PDZK1: variants seen among roughly 807,000 people sequenced by gnomAD.
PDZK1 encodes the protein PDZ domain containing 1, also known as Na(+)/H(+) exchange regulatory cofactor NHE-RF3.
A neutral mutation model predicts 38.1 loss-of-function variants in PDZK1; 23 were observed. The ratio of observed to expected loss-of-function variants is 0.60; its 90% CI spans 0.43 to 0.85. The LOEUF is 0.85. PDZK1 is among the 40% of genes least tolerant of loss of function. The pLI is 0.00. For synonymous variants in PDZK1, 98 were observed against 186.2 expected (o/e 0.53, Z 3.86); for missense variants, 297 against 504.3 (o/e 0.59, Z 3.94).
At chr1:145,687,672 G>T in intron 2 of PDZK1, 140 bp downstream of exon 2, 2 of 697,952 alleles carry the variant, frequency 2.9e-6, no homozygotes, top group Non-Finnish European at 5.1e-6. Flanking sequence ...CCAACACAAG[G>T]TACAGCAATA....
At chr1:145,699,851 T>A (rs1553704741) in intron 1 of PDZK1, among the ~76,000 whole-genome samples, 1 of 152,144 alleles carries the variant, frequency 6.6e-6, no homozygotes, top group East Asian at 1.9e-4. Context: ...TGTAAGAACA[T>A]GGGTGAGTTC....
intron 8 of PDZK1, among the ~76,000 whole-genome samples, chr1:145,671,809 CT>C (rs1310168269): frequency 6.7e-6 from 1 of 149,438 alleles, no homozygotes; most frequent in South Asian, 2.1e-4. Flanking sequence ...GTGTATATTT[CT>C]TTTTTATAAG....
Position 145,687,998 on chromosome 1 carries a change from T to G in PDZK1, c.24A>C (p.Arg8=), listed in dbSNP as rs1559071334. The stretch of plus-strand genomic sequence containing the variant: ...CTTCTTGCTTGGACAGTTTACATTC[T>G]CGGGGGTTGAAGGTGGAGGTCATTT... MTSTFNP[R]ECKLSKQEGQ... Residue 8 remains arginine, a synonymous_variant, in exon 2 of 9, where the codon CGA becomes CGC. Transcript: ENST00000417171. The G allele has an allele frequency of 6.2e-7, 1 of 1,613,178 alleles. No homozygotes were observed. Among genetic ancestry groups the G allele is most frequent in the East Asian group, 2.2e-5 (1 of 44,862 alleles).
At chr1:145,688,097 C>G in intron 1 of PDZK1, 74 bp from the exon 2 acceptor site, 2 of 1,260,924 alleles carry the variant, frequency 1.6e-6, no homozygotes, top group South Asian at 2.4e-5. Flanking sequence ...CATCCTCCAT[C>G]TCCTATAATT....
At chr1:145,695,816 G>A (rs1553704017) in intron 1 of PDZK1, among the ~76,000 whole-genome samples, 1 of 152,212 alleles carries the variant, frequency 6.6e-6, no homozygotes, top group African/African-American at 2.4e-5. Flanking sequence ...TAGAATGAAG[G>A]TGACAGAGGT....
At chr1:145,670,963 G>T (rs1652967493), downstream of PDZK1, 1 of 150,472 alleles carries the variant, frequency 6.6e-6, no homozygotes, top group South Asian at 2.1e-4. Context: ...CAAAACAAAA[G>T]CACTATCAAG....
chr1:145,671,302 G>A lies in PDZK1; in HGVS notation c.*134C>T. The A allele has an allele frequency of 6.9e-7, 1 of 1,458,012 alleles. No individual in the cohort carries two copies. Among genetic ancestry groups the A allele is most frequent in the Non-Finnish European group, 9.2e-7 (1 of 1,091,060 alleles). The allele number at this position is 1,458,012 out of a possible 1,614,324, so 90.3% of individuals were successfully genotyped here. A position where few individuals can be genotyped will look rare whatever the true frequency, so the allele number is the denominator to read the frequency against. ...TGATAACAGAAGACAATCACACATG[G>A]TGAATGGTTTCCAGTGGAGTTTTTC... On this transcript the variant is annotated 3_prime_UTR_variant, in exon 9 of 9. Transcript: ENST00000417171.
At chr1:145,685,636 G>C (rs1416372432) in intron 3 of PDZK1, among the ~76,000 whole-genome samples, 1 of 152,060 alleles carries the variant, frequency 6.6e-6, no homozygotes, top group Non-Finnish European at 1.5e-5. Context: ...CTGGTCTGCT[G>C]CTGTATCACT....
intron 5 of PDZK1, among the ~76,000 whole-genome samples, chr1:145,679,605 TC>T (rs1488610481): frequency 6.6e-6 from 1 of 152,072 alleles, no homozygotes; most frequent in Non-Finnish European, 1.5e-5. Flanking sequence ...CCAAGTCACT[TC>T]CTGGTGCAAC....
chr1:145,693,414 C>G (rs1335034011), intron 1 of PDZK1, among the ~76,000 whole-genome samples: 1 of 152,142 alleles, frequency 6.6e-6, no homozygotes, highest in Non-Finnish European at 1.5e-5. Flanking sequence ...TGCTTAGGCC[C>G]CACCTCAGGT....
intron 1 of PDZK1, among the ~76,000 whole-genome samples, chr1:145,692,761 G>A (rs1451856079): frequency 4.0e-5 from 6 of 149,430 alleles, no homozygotes; most frequent in African/African-American, 7.4e-5. Flanking sequence ...TGGACTGGGC[G>A]CAGTGGCTCA....
chr1:145,672,818 G>C lies in PDZK1; in HGVS notation c.1418C>G (p.Ser473Cys). The C allele has an allele frequency of 6.2e-7, 1 of 1,611,636 alleles. No homozygotes were observed. The highest frequency in any genetic ancestry group is 2.2e-5 in the East Asian group (1 of 44,846). Residue 473 changes from serine (S) to cysteine (C), a missense_variant, in exon 8 of 9, where the codon TCC (serine) becomes TGC (cysteine). Ser to Cys is a moderately radical substitution (Grantham distance 112, BLOSUM62 -1). This residue lies in a region of PDZK1 where 54 missense variants were observed against 72.1 expected (regional missense o/e 0.75). Transcript: ENST00000417171. Reference protein sequence around the residue: ...FQAKKIPIVSSLADPLDTPPD... With the variant: ...FQAKKIPIVSCLADPLDTPPD... ...AGGGGTGTCAAGTGGATCAGCCAGG[G>C]AGGAAACAATAGGGATTTTCTTAGC...
chr1:145,701,366 C>T (rs144706641), intron 1 of PDZK1, among the ~76,000 whole-genome samples: 15 of 151,320 alleles, frequency 9.9e-5, no homozygotes, highest in African/African-American at 3.2e-4. Flanking sequence ...AGGGTCTCTC[C>T]GGCAACATTA....
intron 1 of PDZK1, among the ~76,000 whole-genome samples, chr1:145,704,993 G>T (rs782321240): frequency 7.9e-5 from 12 of 152,220 alleles, no homozygotes; most frequent in Non-Finnish European, 1.8e-4. Context: ...TTCTATGCCA[G>T]GTAGTGCTCA....
intron 6 of PDZK1, among the ~76,000 whole-genome samples, chr1:145,677,477 G>A (rs1395344630): frequency 2.7e-5 from 4 of 149,454 alleles, no homozygotes; most frequent in South Asian, 2.1e-4. Flanking sequence ...TGATATTCAG[G>A]TTGATATCAA....
At chr1:145,683,402 T>C (rs1490147310) in intron 3 of PDZK1, among the ~76,000 whole-genome samples, 2 of 152,234 alleles carry the variant, frequency 1.3e-5, no homozygotes, top group African/African-American at 4.8e-5. Context: ...ATTTGTAGAA[T>C]CAGAAAGCAT....
At chr1:145,692,783 C>G (rs782603989) in intron 1 of PDZK1, among the ~76,000 whole-genome samples, 6 of 151,620 alleles carry the variant, frequency 4.0e-5, no homozygotes, top group Non-Finnish European at 8.8e-5. Flanking sequence ...GCCTGTAATT[C>G]CAGCACTTTG....
intron 1 of PDZK1, among the ~76,000 whole-genome samples, chr1:145,703,403 C>A (rs1054825313): frequency 1.3e-5 from 2 of 152,128 alleles, no homozygotes; most frequent in Non-Finnish European, 2.9e-5. Context: ...GAGCTCCCTA[C>A]TAGGATTAGG....
chr1:145,689,140 G>A (rs1655040414), intron 1 of PDZK1, among the ~76,000 whole-genome samples: 1 of 152,206 alleles, frequency 6.6e-6, no homozygotes, highest in Admixed American at 6.5e-5. Flanking sequence ...CTGCAGTGCA[G>A]TGGCGCAATC....
Sources: gnomAD v4.1 joint callset for allele counts (sites outside exome capture counted in the v4.1 genomes callset) on GRCh38, gnomAD v4.1.1 for gene constraint, gnomAD v4.1.1 regional missense constraint, MANE v1.5 for transcripts, NCBI Gene and HGNC (gene_info 2026-07-23, HGNC 2026-07-21) for gene names.